Variants in RABEP1 observed in about 807,000 individuals in gnomAD.
RABEP1 encodes rab GTPase-binding effector protein 1.
In RABEP1, 51 loss-of-function variants were observed where a neutral mutation model predicts 123.4. That is an observed-to-expected ratio of 0.41 (90% confidence interval 0.33 to 0.52). The LOEUF (loss-of-function observed/expected upper bound fraction) is 0.52. Among genes scored for constraint, RABEP1 ranks in the 20% least tolerant of loss-of-function variants. RABEP1 has a pLI of 0.16. For synonymous variants in RABEP1, 347 were observed against 355.2 expected, an observed-to-expected ratio of 0.98 and a Z score of 0.26; for missense variants, 888 against 996.3, an observed-to-expected ratio of 0.89 and a Z score of 1.46.
chr17:5,353,419 A>AG (rs1908739883), intron 7 of RABEP1, among the ~76,000 whole-genome samples: 1 of 152,126 alleles, frequency 6.6e-6, no homozygotes, highest in Non-Finnish European at 1.5e-5. Flanking sequence ...TCTCCTCCCT[A>AG]GGCTGTTTTA....
At chr17:5,283,950 A>G (rs903140239) in intron 1 of RABEP1, 1 of 152,230 alleles carries the variant, frequency 6.6e-6, no homozygotes, top group African/African-American at 2.4e-5. Context: ...TTCAGGCTGC[A>G]TTTTAATGAT....
At chr17:5,359,565 C>T (rs1909324835) in intron 8 of RABEP1, among the ~76,000 whole-genome samples, 3 of 151,972 alleles carry the variant, frequency 2.0e-5, no homozygotes, top group Admixed American at 6.6e-5. Context: ...TTAATATATA[C>T]GAGATTTGTG....
At chr17:5,310,508 C>T (rs1054653190) in intron 2 of RABEP1, among the ~76,000 whole-genome samples, 1 of 151,520 alleles carries the variant, frequency 6.6e-6, no homozygotes, top group Non-Finnish European at 1.5e-5. Context: ...TTAGTAGAGA[C>T]GGGGTTTCAC....
chr17:5,377,004 T>G (rs1332190170), intron 13 of RABEP1, 112 bp from the exon 14 acceptor site: 2 of 1,161,226 alleles, frequency 1.7e-6, no homozygotes, highest in East Asian at 2.5e-5. Context: ...GTCAAAGTCT[T>G]AATTTTTGAA....
intron 3 of RABEP1, among the ~76,000 whole-genome samples, chr17:5,334,253 A>G (rs957911140): frequency 2.7e-5 from 4 of 148,472 alleles, no homozygotes; most frequent in Non-Finnish European, 5.9e-5. Flanking sequence ...TTTTTTTGAG[A>G]CAGAGTCTCA....
chr17:5,351,615 G>A (rs986236865), intron 7 of RABEP1, among the ~76,000 whole-genome samples: 13 of 152,094 alleles, frequency 8.5e-5, no homozygotes, highest in Non-Finnish European at 1.6e-4. Context: ...GGGCCATATA[G>A]TGAGACTCTG....
chr17:5,358,846 G>A (rs1042798482), intron 8 of RABEP1, among the ~76,000 whole-genome samples: 1 of 152,034 alleles, frequency 6.6e-6, no homozygotes, highest in Non-Finnish European at 1.5e-5. Context: ...CTACAGCCCC[G>A]ATCTCCTGGG....
At chr17:5,348,546 TG>T (rs1908263474) in intron 6 of RABEP1, among the ~76,000 whole-genome samples, 1 of 152,094 alleles carries the variant, frequency 6.6e-6, no homozygotes, top group Admixed American at 6.5e-5. Context: ...TCGGATCCTC[TG>T]AAGGTTTTTT....
intron 1 of RABEP1, among the ~76,000 whole-genome samples, chr17:5,308,369 G>A (rs1200507047): frequency 6.6e-6 from 1 of 151,812 alleles, no homozygotes; most frequent in Non-Finnish European, 1.5e-5. Flanking sequence ...GGGATTACAG[G>A]CACCTGCCAC....
At chr17:5,317,876 C>G (rs12600585) in intron 2 of RABEP1, among the ~76,000 whole-genome samples, 2 of 152,048 alleles carry the variant, frequency 1.3e-5, no homozygotes, top group East Asian at 1.9e-4. Flanking sequence ...CATTAGTGGC[C>G]ATTTAATCAT....
At chr17:5,369,110 AAAG>A (rs1264726280) in intron 12 of RABEP1, among the ~76,000 whole-genome samples, 7 of 152,216 alleles carry the variant, frequency 4.6e-5, no homozygotes, top group South Asian at 2.1e-4. Flanking sequence ...CTCTCTTTCA[AAAG>A]AAAAAAAAAA....
chr17:5,361,057 A>C, intron 8 of RABEP1, 151 bp from the exon 9 acceptor site: 1 of 710,296 alleles, frequency 1.4e-6, no homozygotes, highest in East Asian at 2.7e-5. Flanking sequence ...AGCATGTAGA[A>C]ATGACACTTA....
intron 6 of RABEP1, 38 bp downstream of exon 6, chr17:5,346,963 A>T (rs772285674): frequency 2.0e-6 from 3 of 1,494,580 alleles, no homozygotes; most frequent in Middle Eastern, 1.9e-4. Flanking sequence ...GTCTCTAAGA[A>T]CCATATAAGT....
intron 5 of RABEP1, among the ~76,000 whole-genome samples, chr17:5,341,694 G>A (rs1425881119): frequency 1.3e-5 from 2 of 152,218 alleles, no homozygotes; most frequent in Non-Finnish European, 1.5e-5. Context: ...GAATACAGAA[G>A]CTAAAATTTT....
chr17:5,295,276 A>G (rs79195594), intron 1 of RABEP1, among the ~76,000 whole-genome samples: 2,271 of 151,784 alleles, frequency 0.015, 63 homozygotes, highest in African/African-American at 0.052. Context: ...AATCCCAGCT[A>G]TTTGAGAGAG....
chr17:5,323,827 TATATATCTA>T (rs1905679787), intron 2 of RABEP1, among the ~76,000 whole-genome samples: 1 of 124,416 alleles, frequency 8.0e-6, no homozygotes, highest in Non-Finnish European at 1.6e-5. Context: ...GGAATATATA[TATATATCTA>T]GGAATATATA....
At chr17:5,361,723 C>T in intron 9 of RABEP1, 48 bp downstream of exon 9, 1 of 1,427,490 alleles carries the variant, frequency 7.0e-7, no homozygotes. Context: ...CTGAGGCACA[C>T]TGGGAAGCTC....
intron 2 of RABEP1, among the ~76,000 whole-genome samples, chr17:5,322,615 A>G (rs1399492621): frequency 6.6e-6 from 1 of 152,212 alleles, no homozygotes. Context: ...TAAACTACAC[A>G]GTAGATACGG....
chr17:5,303,383 A>AGGCACGCACT (rs1597335941), intron 1 of RABEP1, among the ~76,000 whole-genome samples: 1 of 152,112 alleles, frequency 6.6e-6, no homozygotes, highest in East Asian at 1.9e-4. Context: ...CTGAGATGAC[A>AGGCACGCACT]GGCACGCACT....
Sources: gnomAD v4.1 joint callset for allele counts (sites outside exome capture counted in the v4.1 genomes callset) on GRCh38, gnomAD v4.1.1 for gene constraint, MANE v1.5 for transcripts, NCBI Gene and HGNC (gene_info 2026-07-23, HGNC 2026-07-21) for gene names.